ADGRF3: variants seen among roughly 807,000 people sequenced by gnomAD.
The protein encoded by ADGRF3 is adhesion G protein-coupled receptor F3, also known as G protein-coupled receptor 113.
In ADGRF3, 85 loss-of-function variants were observed where a neutral mutation model predicts 93.2. That is an observed-to-expected ratio of 0.91 (90% CI 0.77 to 1.09). The LOEUF (loss-of-function observed/expected upper bound fraction) is 1.09. Ranked by LOEUF, ADGRF3 falls within the 50% of genes least tolerant of loss-of-function variation. The pLI, the probability that ADGRF3 is intolerant of heterozygous loss-of-function variation, is 0.00. For missense variants in ADGRF3, 1,125 were observed against 1,246.2 expected (o/e 0.90, Z 1.46); for synonymous variants, 534 against 532.5 (o/e 1.00, Z -0.04).
rs1160167460 is a variant in ADGRF3 at position 26,315,518 on chromosome 2, C to G, written c.718+4G>C. 1.1e-5 allele frequency: 17 copies of G among 1,548,850 alleles called. No homozygotes were observed. Among genetic ancestry groups the G allele is most frequent in the East Asian group, 9.8e-5 (4 of 40,854 alleles). ...AGGAGGCAAGGAGAGGACAGGCTGG[C>G]TACCTGCCCAGTGATGGGACATGTT... On this transcript the variant is annotated splice_donor_region_variant and intron_variant, in intron 5 of 13. Coordinates refer to ENST00000651242, the MANE Select transcript of ADGRF3 (RefSeq NM_001321971.2).
intron 1 of ADGRF3, among the ~76,000 whole-genome samples, chr2:26,322,842 C>A (rs980153947): frequency 2.0e-5 from 3 of 152,014 alleles, no homozygotes; most frequent in Non-Finnish European, 2.9e-5. Flanking sequence ...ATAAAAATAT[C>A]ATATCTGGCT....
chr2:26,343,738 C>T (rs1364855975), intron 1 of ADGRF3, among the ~76,000 whole-genome samples: 1 of 152,166 alleles, frequency 6.6e-6, no homozygotes, highest in Non-Finnish European at 1.5e-5. Flanking sequence ...CCACGGCGCC[C>T]GGCCCAAATA....
At chr2:26,336,335 T>A (rs1191707188) in intron 1 of ADGRF3, among the ~76,000 whole-genome samples, 3 of 151,316 alleles carry the variant, frequency 2.0e-5, no homozygotes, top group African/African-American at 7.3e-5. Flanking sequence ...TGTGTGTGTG[T>A]GAGTGTGTGT....
At position 26,337,589 on chromosome 2, in the gene ADGRF3, A is replaced by G. The variant is rs560832822; in HGVS notation, c.114+8532T>C. 2.0e-5 allele frequency among the ~76,000 whole-genome samples: 3 copies of G among 152,342 alleles called. No individual in the cohort carries two copies. The East Asian group carries it at 5.8e-4, about 29-fold the overall frequency. ...GTAACTTGTTACATGGCAAAACATA[A>G]CTTTTAAAACTGCTTATTTTAAAAA... On this transcript the variant is annotated intron_variant, in intron 1 of 13. Coordinates refer to ENST00000651242, the MANE Select transcript of ADGRF3 (RefSeq NM_001321971.2).
chr2:26,344,238 G>C (rs1164827513), intron 1 of ADGRF3, among the ~76,000 whole-genome samples: 1 of 152,130 alleles, frequency 6.6e-6, no homozygotes, highest in Non-Finnish European at 1.5e-5. Flanking sequence ...CCACCTCCCA[G>C]GCTCAAGCGA....
chr2:26,310,186 G>A lies in ADGRF3; in HGVS notation c.2874+10C>T, dbSNP rs779391061. The A allele has an allele frequency of 5.6e-6, 9 of 1,614,038 alleles. No individual in the cohort carries two copies. In the East Asian group the frequency reaches 1.1e-4, roughly 20 times the overall value. On this transcript the variant is annotated intron_variant, in intron 11 of 13. Transcript: ENST00000651242. ...GCAAGTGAGGCAGGGGGTTAGGTGGGCAGACTTACCTTCCTGTCCATGAGG... is the reference window on the plus strand; with the variant it reads ...GCAAGTGAGGCAGGGGGTTAGGTGGACAGACTTACCTTCCTGTCCATGAGG...
At position 26,312,972 on chromosome 2, in the gene ADGRF3, T is replaced by C. The variant is rs1650092928; in HGVS notation, c.1420A>G (p.Arg474Gly). 6.2e-7 allele frequency: 1 copy of C among 1,613,346 alleles called. No individual in the cohort carries two copies. The highest frequency in any genetic ancestry group is 8.5e-7 in the Non-Finnish European group (1 of 1,179,664). The change falls in exon 9 of 14, where the codon AGA (arginine) becomes GGA (glycine). Residue 474 changes from arginine (R) to glycine (G), a missense_variant. Coordinates refer to ENST00000651242, the MANE Select transcript of ADGRF3 (RefSeq NM_001321971.2). ...KYVAKVVAEA[R>G]IQLDRRALKN... ...AGGGCTCTGCGGTCAAGCTGTATTC[T>C]GGCCTCTGCCACCACCTTGGCCACG...
At chr2:26,310,667 A>T in intron 10 of ADGRF3, 25 bp downstream of exon 10, 1 of 1,594,084 alleles carries the variant, frequency 6.3e-7, no homozygotes, top group Non-Finnish European at 8.5e-7. Flanking sequence ...AAAGCAAAAA[A>T]CACAGCCACC....
At chr2:26,326,568 A>G (rs548364487) in intron 1 of ADGRF3, among the ~76,000 whole-genome samples, 5 of 152,270 alleles carry the variant, frequency 3.3e-5, no homozygotes, top group African/African-American at 1.2e-4. Context: ...GAAATATACA[A>G]GTAAGTAGAT....
At chr2:26,312,411 C>A (rs999583789) in intron 9 of ADGRF3, among the ~76,000 whole-genome samples, 11 of 152,206 alleles carry the variant, frequency 7.2e-5, no homozygotes, top group African/African-American at 2.4e-4. Flanking sequence ...TCCAGGTCTG[C>A]AAAGCTAGGA....
At chr2:26,314,332 C>T (rs555999919) in intron 6 of ADGRF3, 82 bp downstream of exon 6, 5 of 1,324,920 alleles carry the variant, frequency 3.8e-6, no homozygotes, top group Non-Finnish European at 5.2e-6. Context: ...CTCTGTTTCT[C>T]ATGAGCTGAA....
chr2:26,316,945 T>C lies in ADGRF3; in HGVS notation c.292A>G (p.Arg98Gly). The change falls in exon 3 of 14, where the codon AGG becomes GGG. Residue 98 changes from arginine to glycine, a missense_variant. Transcript: ENST00000651242. ...LPAASASSSPRPLLTGLRLTT... is the reference protein window; with the variant it reads ...LPAASASSSPGPLLTGLRLTT... ...AGTCTGAGGCCAGTGAGAAGAGGCC[T>C]TGGGGAAGAGGAAGCTGAGGCAGCA... is the stretch of plus-strand genomic sequence containing the variant. 1.2e-6 allele frequency: 2 copies of C among 1,612,626 alleles called. No homozygotes were observed. Among genetic ancestry groups the C allele is most frequent in the Non-Finnish European group, 1.7e-6 (2 of 1,179,484 alleles).
Position 26,311,159 on chromosome 2 carries a change from A to G in ADGRF3, c.2365T>C (p.Phe789Leu), listed in dbSNP as rs544923724. The G allele has an allele frequency of 1.3e-5, 20 of 1,597,194 alleles. No homozygotes were observed. The highest frequency in any genetic ancestry group is 1.5e-5 in the Non-Finnish European group (18 of 1,172,310). ...ACCAGGGCCTGCGCCAGCATCCAGA[A>G]AAAGGTGGCCAGGTAGAGGAAATGA... ...LCHFLYLATF[F>L]WMLAQALVLA... The change falls in exon 10 of 14, where the codon TTC (phenylalanine) becomes CTC (leucine). Residue 789 changes from phenylalanine to leucine, a missense_variant. Phe to Leu is a conservative substitution (Grantham distance 22, BLOSUM62 0). Coordinates refer to ENST00000651242, the MANE Select transcript of ADGRF3 (RefSeq NM_001321971.2).
At chr2:26,316,475 G>A (rs747038413) in intron 3 of ADGRF3, 27 bp from the exon 4 acceptor site, 1 of 1,546,410 alleles carries the variant, frequency 6.5e-7, no homozygotes, top group African/African-American at 1.4e-5. Context: ...AAGAGGGGGT[G>A]GGCAGGCTGT....
intron 1 of ADGRF3, among the ~76,000 whole-genome samples, chr2:26,341,992 G>T (rs1462239307): frequency 6.6e-6 from 1 of 151,706 alleles, no homozygotes; most frequent in African/African-American, 2.4e-5. Context: ...AGAATGGCGT[G>T]AACCCGGGAG....
chr2:26,318,810 A>G, intron 1 of ADGRF3: 1 of 1,293,556 alleles, frequency 7.7e-7, no homozygotes, highest in South Asian at 1.4e-5. Context: ...CAGAGATCTC[A>G]TAACAAAGCA....
chr2:26,330,533 T>C (rs1675705139), intron 1 of ADGRF3, among the ~76,000 whole-genome samples: 1 of 152,166 alleles, frequency 6.6e-6, no homozygotes, highest in Non-Finnish European at 1.5e-5. Flanking sequence ...CTTGGCACCA[T>C]AAATTCTGAT....
At chr2:26,309,825 A>G in intron 12 of ADGRF3, 1 of 1,120,540 alleles carries the variant, frequency 8.9e-7, no homozygotes. Flanking sequence ...GCAGGAGTCC[A>G]GGTGATAATC....
chr2:26,309,927 A>G (rs1239840701), intron 12 of ADGRF3, 116 bp downstream of exon 12: 2 of 1,606,338 alleles, frequency 1.2e-6, no homozygotes, highest in Non-Finnish European at 1.7e-6. Context: ...ATTCTAAAAA[A>G]CAACCCCAAT....
Sources: allele counts gnomAD v4.1 joint callset (sites outside exome capture counted in the v4.1 genomes callset), GRCh38; gene constraint gnomAD v4.1.1; transcripts MANE v1.5; gene names NCBI Gene and HGNC (gene_info 2026-07-23, HGNC 2026-07-21).